The following NF1 variants were observed in gnomAD, a reference collection of about 807,000 sequenced individuals.
The protein encoded by NF1 is neurofibromin 1.
A neutral mutation model predicts 325.7 loss-of-function variants in NF1; 122 were observed. The ratio of observed to expected loss-of-function variants is 0.37; its 90% CI spans 0.32 to 0.44. NF1 has a LOEUF of 0.44. Ranked by LOEUF, NF1 falls within the 20% of genes least tolerant of loss-of-function variation. The pLI, the probability that NF1 is intolerant of heterozygous loss-of-function variation, is 1.00. For synonymous variants in NF1, 1,091 were observed against 1,186.0 expected, an observed-to-expected ratio of 0.92 and a Z score of 1.65; for missense variants, 2,140 against 3,415.4, an observed-to-expected ratio of 0.63 and a Z score of 9.31.
chr17:31,357,631 C>T, intron 54 of NF1: 1 of 518,370 alleles, frequency 1.9e-6, no homozygotes, highest in South Asian at 2.1e-5. Context: ...ATTTTCCTCA[C>T]TTAGAAGCAA....
At chr17:31,213,730 C>T (rs766262851) in intron 12 of NF1, among the ~76,000 whole-genome samples, 4 of 152,116 alleles carry the variant, frequency 2.6e-5, no homozygotes, top group Non-Finnish European at 5.9e-5. Flanking sequence ...AACATATTTT[C>T]TGTAAGTTTA....
At position 31,159,007 on chromosome 17, in the gene NF1, T is replaced by C; in HGVS notation, c.205-3T>C. On this transcript the variant is annotated splice_region_variant and splice_polypyrimidine_tract_variant and intron_variant, in intron 2 of 57. Transcript: ENST00000358273. ...TTTATGTTCTGAATATCTTTTCTGT[T>C]AGAGAATATTTGGAGAAGCTGCTGA... is the stretch of plus-strand genomic sequence containing the variant. 1.3e-6 allele frequency: 2 copies of C among 1,539,622 alleles called. No individual in the cohort carries two copies. Among genetic ancestry groups the C allele is most frequent in the Non-Finnish European group, 1.8e-6 (2 of 1,112,406 alleles).
chr17:31,166,597 G>A (rs1186235850), intron 4 of NF1, among the ~76,000 whole-genome samples: 1 of 152,132 alleles, frequency 6.6e-6, no homozygotes, highest in Non-Finnish European at 1.5e-5. Flanking sequence ...CTCTTAGAAG[G>A]TAAACAGCTC....
At chr17:31,237,039 C>T (rs551330427) in intron 29 of NF1, among the ~76,000 whole-genome samples, 2 of 151,960 alleles carry the variant, frequency 1.3e-5, no homozygotes, top group Non-Finnish European at 2.9e-5. Flanking sequence ...TTTTCTAAGC[C>T]ACATGTTAAG....
intron 36 of NF1, among the ~76,000 whole-genome samples, chr17:31,273,818 TA>T (rs1411744832): frequency 1.3e-5 from 2 of 152,224 alleles, no homozygotes; most frequent in Non-Finnish European, 2.9e-5. Context: ...ATCTGCTTGC[TA>T]ATTTAAAGAA....
rs766585105 is a variant in NF1 at position 31,352,240 on chromosome 17, T to C, written c.7458-17T>C. ...CACCATATTAATTGATTTTTCTCTATTGTTTTCATCTTTCAGGACACTAAA... is the reference window on the plus strand; with the variant it reads ...CACCATATTAATTGATTTTTCTCTACTGTTTTCATCTTTCAGGACACTAAA... On this transcript the variant is annotated splice_polypyrimidine_tract_variant and intron_variant, in intron 50 of 57. Transcript: ENST00000358273. 1 of 1,613,074 alleles carries C rather than the reference T, an allele frequency of 6.2e-7. No homozygotes were observed. Among genetic ancestry groups the C allele is most frequent in the African/African-American group, 1.3e-5 (1 of 75,026 alleles).
chr17:31,332,372 G>A (rs1221336000), intron 39 of NF1, among the ~76,000 whole-genome samples: 1 of 152,028 alleles, frequency 6.6e-6, no homozygotes, highest in Non-Finnish European at 1.5e-5. Flanking sequence ...GCTGAGGCAG[G>A]AGAATTGCTT....
chr17:31,207,316 T>C (rs1161719254), intron 12 of NF1, among the ~76,000 whole-genome samples: 1 of 152,162 alleles, frequency 6.6e-6, no homozygotes, highest in Non-Finnish European at 1.5e-5. Context: ...TGTCTTCACC[T>C]GTTGGTTTTA....
intron 36 of NF1, among the ~76,000 whole-genome samples, chr17:31,265,707 T>G (rs2067774493): frequency 6.6e-6 from 1 of 152,148 alleles, no homozygotes; most frequent in Non-Finnish European, 1.5e-5. Context: ...GAAATAAAAC[T>G]ATAAGAGCCT....
chr17:31,150,860 C>T (rs528461293), intron 1 of NF1, among the ~76,000 whole-genome samples: 2 of 151,870 alleles, frequency 1.3e-5, no homozygotes, highest in African/African-American at 4.8e-5. Context: ...GGTGAAACCC[C>T]GTCTCTACTA....
At chr17:31,233,607 A>T (rs537310305) in intron 27 of NF1, among the ~76,000 whole-genome samples, 1 of 152,320 alleles carries the variant, frequency 6.6e-6, no homozygotes, top group African/African-American at 2.4e-5. Flanking sequence ...ACAGTTTTTT[A>T]AAAATTTAAG....
At position 31,327,257 on chromosome 17, in the gene NF1, C is replaced by T. The variant is rs1022443850; in HGVS notation, c.5269-242C>T. Among the ~76,000 whole-genome samples the T allele has an allele frequency of 3.3e-5, 5 of 152,020 alleles. No homozygotes were observed. In the East Asian group the frequency reaches 5.8e-4, roughly 18 times the overall value. ...GATTACAGGGATGAGCCACTGCACC[C>T]GGCCTTCTATAAGATTCTTGACCTT... On this transcript the variant is annotated intron_variant, in intron 37 of 57. Transcript: ENST00000358273.
chr17:31,124,592 ATTTTTTT>A (rs35335433), intron 1 of NF1, among the ~76,000 whole-genome samples: 13 of 62,946 alleles, frequency 2.1e-4, no homozygotes, highest in East Asian at 1.6e-3. Context: ...GTATTCTTGA[ATTTTTTT>A]TTTTTTTTTT....
intron 29 of NF1, among the ~76,000 whole-genome samples, chr17:31,244,302 G>A (rs1162435488): frequency 2.0e-5 from 3 of 152,146 alleles, no homozygotes; most frequent in Non-Finnish European, 4.4e-5. Flanking sequence ...GGTGATGTAA[G>A]CATTCCCTTG....
In NF1 at chr17:31,141,725, A is replaced by G. The variant is rs145143997; in HGVS notation, c.61-14258A>G. ...TACCTTAGCTGGATGCCTCTGGAGC[A>G]CGGTCTCTTGAGGTTGCAGTCAAGC... On this transcript the variant is annotated intron_variant, in intron 1 of 57. Transcript: ENST00000358273. Among the ~76,000 whole-genome samples, 10 of 152,300 alleles carry G rather than the reference A, an allele frequency of 6.6e-5. No homozygotes were observed. In the East Asian group the frequency reaches 1.9e-3, roughly 29 times the overall value.
intron 14 of NF1, among the ~76,000 whole-genome samples, 198 bp from the exon 15 acceptor site, chr17:31,221,652 A>C (rs2066922752): frequency 6.6e-6 from 1 of 152,116 alleles, no homozygotes; most frequent in African/African-American, 2.4e-5. Context: ...GAATAAAATG[A>C]TTTCATTCTG....
At chr17:31,100,008 T>TAAAA (rs71142016) in intron 1 of NF1, among the ~76,000 whole-genome samples, 1 of 130,790 alleles carries the variant, frequency 7.6e-6, no homozygotes, top group Non-Finnish European at 1.6e-5. Flanking sequence ...ATATTTGAAC[T>TAAAA]AAAAAAAAAA....
At chr17:31,131,132 A>G (rs1285022368) in intron 1 of NF1, among the ~76,000 whole-genome samples, 4 of 152,188 alleles carry the variant, frequency 2.6e-5, no homozygotes, top group African/African-American at 9.7e-5. Context: ...AAAGTCTCCT[A>G]TGGGAGCAAG....
intron 1 of NF1, among the ~76,000 whole-genome samples, chr17:31,121,549 C>G (rs1222398124): frequency 6.6e-6 from 1 of 151,952 alleles, no homozygotes; most frequent in Non-Finnish European, 1.5e-5. Context: ...TATAGGCACC[C>G]AGCTGTGGGT....
Sources: gnomAD v4.1 joint callset for allele counts (sites outside exome capture counted in the v4.1 genomes callset) on GRCh38, gnomAD v4.1.1 for gene constraint, MANE v1.5 for transcripts, NCBI Gene and HGNC (gene_info 2026-07-23, HGNC 2026-07-21) for gene names.